Variants in ACOT7 observed in about 807,000 individuals in gnomAD.
ACOT7 encodes acyl-CoA thioesterase 7, also known as cytosolic acyl coenzyme A thioester hydrolase.
A neutral mutation model predicts 40.2 loss-of-function variants in ACOT7; 12 were observed. The observed-to-expected ratio is 0.30, with a 90% CI of 0.19 to 0.48. ACOT7 has a LOEUF of 0.48. ACOT7 is among the 20% of genes least tolerant of loss of function. The probability of loss-of-function intolerance (pLI) is 0.99; values close to 1 mark genes in which losing one functional copy is unlikely to be tolerated. For missense variants in ACOT7, 395 were observed against 530.8 expected (o/e 0.74, Z 2.51); for synonymous variants, 228 against 219.5 (o/e 1.04, Z -0.34).
rs557975161 is a variant in ACOT7 at position 6,278,775 on chromosome 1, A to T, written c.1014+2327T>A. ...ACCGTGTGGTGGCCGGGGAGGCTGG[A>T]GTATCCCTACAGACACTACAGGGTC... On this transcript the variant is annotated intron_variant, in intron 8 of 8. Transcript: ENST00000361521. The surrounding 1 kb of genome is among the most constrained non-coding windows in gnomAD (Gnocchi z 4.1). Among the ~76,000 whole-genome samples, 674 of 152,266 alleles carry T rather than the reference A, an allele frequency of 4.4e-3. 5 individuals carry two copies. The highest frequency in any genetic ancestry group is 0.015 in the African/African-American group (623 of 41,552).
At position 6,306,977 on chromosome 1, in the gene ACOT7, T is replaced by C; in HGVS notation, c.712+11515A>G. The C allele has an allele frequency of 8.2e-7, 1 of 1,226,254 alleles. No homozygotes were observed. Among genetic ancestry groups the C allele is most frequent in the Non-Finnish European group, 1.1e-6 (1 of 933,138 alleles). The allele number at this position is 1,226,254 out of a possible 1,614,324, so 76.0% of individuals were successfully genotyped here. A position where few individuals can be genotyped will look rare whatever the true frequency, so the allele number is the denominator to read the frequency against. ...GAGGCCTCACTTGCGTCCCCTCCCA[T>C]GTTTTCTCTGCCTTCCCTTTCCTCT... On this transcript the variant is annotated intron_variant, in intron 6 of 8. Transcript: ENST00000361521. The surrounding 1 kb of genome is among the most constrained non-coding windows in gnomAD (Gnocchi z 4.3).
Position 6,333,490 on chromosome 1 carries a change from AC to A in ACOT7, c.496del (p.Val166CysfsTer55), listed in dbSNP as rs1641016549. 3 of 1,613,988 alleles carry A rather than the reference AC, an allele frequency of 1.9e-6. No individual in the cohort carries two copies. Among genetic ancestry groups the A allele is most frequent in the Non-Finnish European group, 2.5e-6 (3 of 1,179,998 alleles). ...AGGGCACCTTACCACAACAGGAGGC[AC>A]CTCGAGGACCTTGTCCACATTCTTC... The part of the protein sequence containing the change: ...SLKNVDKVLE[V>X]PPVVYSRQEQ... On this transcript the variant is annotated frameshift_variant, in exon 4 of 9. Transcript: ENST00000361521. LOFTEE classifies it high-confidence loss of function.
At chr1:6,361,208 T>C (rs1641885449) in intron 1 of ACOT7, among the ~76,000 whole-genome samples, 3 of 152,130 alleles carry the variant, frequency 2.0e-5, no homozygotes, top group South Asian at 2.1e-4. Flanking sequence ...GAAACCACCC[T>C]GGGTGAAAGA....
rs1639754619 is a variant in ACOT7, at chr1:6,294,389, G to A, written c.829+475C>T. On this transcript the variant is annotated intron_variant, in intron 7 of 8. Coordinates refer to ENST00000361521, the MANE Select transcript of ACOT7 (RefSeq NM_007274.4). This position sits in a 1 kb window ranked among gnomAD's most constrained non-coding sequence, Gnocchi z 4.6. ...TGGCTGGGGTTGGATTTTTGTGGTG[G>A]AGAAAAACCACCCAATGCCAGTGCT... Among the ~76,000 whole-genome samples, 1 of 152,234 alleles carries A rather than the reference G, an allele frequency of 6.6e-6. No homozygotes were observed. Among genetic ancestry groups the A allele is most frequent in the South Asian group, 2.1e-4 (1 of 4,834 alleles).
chr1:6,268,968 T>C (rs1638938277), intron 8 of ACOT7, among the ~76,000 whole-genome samples: 1 of 152,066 alleles, frequency 6.6e-6, no homozygotes, highest in South Asian at 2.1e-4. Flanking sequence ...TCCCACCCCT[T>C]TGCCCCCACA....
At chr1:6,281,030 T>A in intron 8 of ACOT7, 72 bp downstream of exon 8, 1 of 1,546,358 alleles carries the variant, frequency 6.5e-7, no homozygotes, top group Non-Finnish European at 8.7e-7. Flanking sequence ...AGATTCCCCC[T>A]GGAGGCCCAA....
At chr1:6,337,627 C>T (rs949666532) in intron 3 of ACOT7, among the ~76,000 whole-genome samples, 3 of 152,112 alleles carry the variant, frequency 2.0e-5, no homozygotes, top group African/African-American at 7.2e-5. Context: ...CGGGTCCCAG[C>T]CATGCTGAAA....
intron 7 of ACOT7, among the ~76,000 whole-genome samples, chr1:6,290,898 G>C (rs1456873548): frequency 6.6e-6 from 1 of 152,162 alleles, no homozygotes; most frequent in African/African-American, 2.4e-5. Context: ...TCTCAAAAGT[G>C]GGGGGCCCCT....
intron 2 of ACOT7, among the ~76,000 whole-genome samples, chr1:6,343,793 T>A (rs1274490532): frequency 6.6e-6 from 1 of 152,252 alleles, no homozygotes; most frequent in Admixed American, 6.5e-5. Flanking sequence ...TATGCTATGC[T>A]GACACAGATC....
chr1:6,314,892 C>T (rs1374112762), intron 6 of ACOT7, among the ~76,000 whole-genome samples: 4 of 152,068 alleles, frequency 2.6e-5, no homozygotes, highest in Non-Finnish European at 5.9e-5. Context: ...CCTCCACACC[C>T]TCCACGAGCC....
intron 8 of ACOT7, among the ~76,000 whole-genome samples, chr1:6,268,686 G>A (rs966633283): frequency 6.6e-6 from 1 of 152,368 alleles, no homozygotes; most frequent in African/African-American, 2.4e-5. Context: ...GGCACGGCCC[G>A]AACGGCAGGG....
chr1:6,264,409 A>G lies in ACOT7; in HGVS notation c.*188T>C, dbSNP rs1638752608. ...ACTGTGTAGCATTGATACTGGAATG[A>G]TATAAATAAAGCTTTGGTGTGTAGG... On this transcript the variant is annotated 3_prime_UTR_variant, in exon 9 of 9. Transcript: ENST00000361521. 2 of 605,760 alleles carry G rather than the reference A, an allele frequency of 3.3e-6. No individual in the cohort carries two copies. Among genetic ancestry groups the G allele is most frequent in the Admixed American group, 3.1e-5 (1 of 32,504 alleles). 37.5% of individuals were successfully genotyped at this position (605,760 alleles called of 1,614,324 possible).
rs981840486 is a variant in ACOT7, at chr1:6,298,228, G to A, written c.713-3248C>T. Among the ~76,000 whole-genome samples the A allele has an allele frequency of 3.9e-5, 6 of 152,060 alleles. No homozygotes were observed. The East Asian group carries it at 9.6e-4, about 24-fold the overall frequency. ...TGGCTCACTGCAACCTCTGCCTCCC[G>A]GGTTCAAGCGATTCTCCTGTGTCAG... On this transcript the variant is annotated intron_variant, in intron 6 of 8. Transcript: ENST00000361521.
rs1460927163 is a variant in ACOT7, at chr1:6,359,704, A to G, written c.144-9838T>C. Among the ~76,000 whole-genome samples the G allele has an allele frequency of 6.6e-6, 1 of 152,202 alleles. No individual in the cohort carries two copies. The highest frequency in any genetic ancestry group is 1.5e-5 in the Non-Finnish European group (1 of 68,042). ...CAGGCTACAGGAGGCCCAGTGCAGG[A>G]GGCGGGATGTGTTATCACCACAACC... is the stretch of plus-strand genomic sequence containing the variant. On this transcript the variant is annotated intron_variant, in intron 1 of 8. Transcript: ENST00000361521. The surrounding 1 kb of genome is among the most constrained non-coding windows in gnomAD (Gnocchi z 4.1).
chr1:6,294,785 G>T lies in ACOT7; in HGVS notation c.829+79C>A. ...CCAAGGCCCACATGACCCTGGGTGT[G>T]AACAGAAAACAAACTGGTGCAGGGA... On this transcript the variant is annotated intron_variant, in intron 7 of 8. Coordinates refer to ENST00000361521, the MANE Select transcript of ACOT7 (RefSeq NM_007274.4). The surrounding 1 kb of genome is among the most constrained non-coding windows in gnomAD (Gnocchi z 4.6). The T allele has an allele frequency of 1.7e-6, 2 of 1,166,600 alleles. No individual in the cohort carries two copies. The highest frequency in any genetic ancestry group is 2.6e-5 in the South Asian group (2 of 76,398). The allele number at this position is 1,166,600 out of a possible 1,614,324, so 72.3% of individuals were successfully genotyped here.
chr1:6,313,121 C>T (rs558537659), intron 6 of ACOT7, among the ~76,000 whole-genome samples: 10 of 152,320 alleles, frequency 6.6e-5, no homozygotes, highest in East Asian at 1.9e-4. Context: ...ACAGCATAAT[C>T]GCCTGCGGCT....
intron 7 of ACOT7, among the ~76,000 whole-genome samples, chr1:6,285,762 GTCAGGATGCT>G (rs1281162762): frequency 2.0e-5 from 3 of 150,492 alleles, no homozygotes; most frequent in Non-Finnish European, 4.4e-5. Context: ...TCACACGGAG[GTCAGGATGCT>G]TCAGGGTCTC....
At chr1:6,347,320 G>A (rs540628697) in intron 2 of ACOT7, among the ~76,000 whole-genome samples, 5 of 152,186 alleles carry the variant, frequency 3.3e-5, no homozygotes, top group Non-Finnish European at 7.3e-5. Context: ...CCCCAGATCC[G>A]GAGAAGGAGC....
chr1:6,339,324 T>G, intron 3 of ACOT7, 109 bp downstream of exon 3: 2 of 1,479,256 alleles, frequency 1.4e-6, no homozygotes, highest in East Asian at 2.3e-5. Flanking sequence ...AGAGGTCTCA[T>G]TGGTGGAAAA....
Sources: allele counts gnomAD v4.1 joint callset (sites outside exome capture counted in the v4.1 genomes callset), GRCh38; gene constraint gnomAD v4.1.1; non-coding constraint Gnocchi (gnomAD v3.1); transcripts MANE v1.5; gene names NCBI Gene and HGNC (gene_info 2026-07-23, HGNC 2026-07-21).